The following AFM variants were observed in gnomAD, a reference collection of about 807,000 sequenced individuals.
AFM encodes alpha-Alb.
In AFM, 82 loss-of-function variants were observed where a neutral mutation model predicts 68.7. The ratio of observed to expected loss-of-function variants is 1.19; its 90% CI spans 1.00 to 1.43. AFM has a LOEUF of 1.43. Among genes scored for constraint, AFM ranks in the 40% most tolerant of loss-of-function variants. The pLI is 0.00. For synonymous variants in AFM, 250 were observed against 234.2 expected (o/e 1.07, Z -0.61); for missense variants, 772 against 701.8 (o/e 1.10, Z -1.13).
At position 73,491,888 on chromosome 4, in the gene AFM, A is replaced by G; in HGVS notation, c.860A>G (p.His287Arg). ...CIRDTSKVMN[H>R]ICSKQDSISS... is the part of the protein sequence containing the mutation. ...TTGGTACAGAGCAAGGTTATGAACC[A>G]TATTTGTTCAAAACAAGATTCTATC... Residue 287 changes from histidine to arginine, a missense_variant, in exon 8 of 15, where the codon CAT becomes CGT. Physicochemically the swap from His to Arg is conservative, Grantham distance 29 (BLOSUM62 0). Transcript: ENST00000226355. 1 of 1,613,568 alleles carries G rather than the reference A, an allele frequency of 6.2e-7. No homozygotes were observed. The highest frequency in any genetic ancestry group is 8.5e-7 in the Non-Finnish European group (1 of 1,179,702).
Position 73,492,045 on chromosome 4 carries a change from G to A in AFM, c.1017G>A (p.Val339=). 1.2e-6 allele frequency: 2 copies of A among 1,613,044 alleles called. No homozygotes were observed. The highest frequency in any genetic ancestry group is 1.7e-6 in the Non-Finnish European group (2 of 1,179,760). The stretch of plus-strand genomic sequence containing the variant: ...GAAAATTTACTGACAGTGAAAATGT[G>A]TGTCAAGAACGAGATGCTGACCCAG... ...REGKFTDSEN[V]CQERDADPDT... Residue 339 remains valine, a synonymous_variant, in exon 8 of 15, where the codon GTG becomes GTA. Coordinates refer to ENST00000226355, the MANE Select transcript of AFM (RefSeq NM_001133.2).
At chr4:73,487,510 A>T (rs568191266) in intron 5 of AFM, among the ~76,000 whole-genome samples, 19 of 152,302 alleles carry the variant, frequency 1.2e-4, no homozygotes, top group Non-Finnish European at 2.5e-4. Context: ...CCTTTTTACC[A>T]AGTGCAATTC....
chr4:73,481,791 C>T lies in AFM; in HGVS notation c.16C>T (p.Leu6Phe), dbSNP rs753880154. ...TTCTACAAAGATGAAACTACTAAAA[C>T]TTACAGGTTTTATTTTTTTCTTGTT... MKLLK[L>F]TGFIFFLFFL... Residue 6 changes from leucine (L) to phenylalanine (F), a missense_variant, in exon 1 of 15, where the codon CTT (leucine) becomes TTT (phenylalanine). By Grantham distance (22) the Leu-to-Phe change is conservative (BLOSUM62 0). Coordinates refer to ENST00000226355, the MANE Select transcript of AFM (RefSeq NM_001133.2). The T allele has an allele frequency of 2.5e-6, 4 of 1,602,234 alleles. No individual in the cohort carries two copies. The South Asian group carries it at 4.5e-5, about 18-fold the overall frequency.
chr4:73,489,014 A>G (rs371448641), intron 7 of AFM, among the ~76,000 whole-genome samples: 16 of 152,320 alleles, frequency 1.1e-4, no homozygotes, highest in East Asian at 3.9e-4. Flanking sequence ...AACTTCAGAA[A>G]TTTCAAATTT....
In AFM at chr4:73,499,145, C is replaced by G. The variant is rs781269586; in HGVS notation, c.1321C>G (p.Gln441Glu). Reference protein sequence around the residue: ...YLIRLTKIAPQLSTEELVSLG... With the variant: ...YLIRLTKIAPELSTEELVSLG... ...CATCAGGCTCACGAAGATAGCTCCC[C>G]AACTCTCCACTGAAGAACTGGTGTC... The change falls in exon 11 of 15, where the codon CAA becomes GAA. Residue 441 changes from glutamine to glutamate, a missense_variant. Gln to Glu is a conservative substitution (Grantham distance 29, BLOSUM62 2). Transcript: ENST00000226355. The G allele has an allele frequency of 1.2e-6, 2 of 1,613,320 alleles. No homozygotes were observed. The highest frequency in any genetic ancestry group is 4.5e-5 in the East Asian group (2 of 44,844).
chr4:73,499,158 AAG>A lies in AFM; in HGVS notation c.1336_1337del (p.Glu446ThrfsTer20). 1 of 1,613,518 alleles carries A rather than the reference AAG, an allele frequency of 6.2e-7. No individual in the cohort carries two copies. The highest frequency in any genetic ancestry group is 8.5e-7 in the Non-Finnish European group (1 of 1,179,646). On this transcript the variant is annotated frameshift_variant, in exon 11 of 15. Transcript: ENST00000226355. LOFTEE classifies it high-confidence loss of function. ...AAGATAGCTCCCCAACTCTCCACTGAAGAACTGGTGTCTCTTGGCGAGAAAAT... is the reference window on the plus strand; with the variant it reads ...AAGATAGCTCCCCAACTCTCCACTGAAACTGGTGTCTCTTGGCGAGAAAAT...
At chr4:73,484,452 TTCTTTC>T (rs1720815698) in intron 3 of AFM, 62 bp downstream of exon 3, 1 of 334,338 alleles carries the variant, frequency 3.0e-6, no homozygotes, top group Non-Finnish European at 5.2e-6. Context: ...CTTTCTTTCT[TTCTTTC>T]TTTCTTTCTT....
chr4:73,496,693 T>G (rs1721268129), intron 9 of AFM, among the ~76,000 whole-genome samples: 1 of 152,210 alleles, frequency 6.6e-6, no homozygotes, highest in African/African-American at 2.4e-5. Flanking sequence ...TTAAATTTTT[T>G]CCATATGATT....
At chr4:73,492,773 CGACAGAGT>C (rs1285314047) in intron 8 of AFM, among the ~76,000 whole-genome samples, 4 of 135,044 alleles carry the variant, frequency 3.0e-5, no homozygotes, top group Non-Finnish European at 6.1e-5. Context: ...CCAGCCTGGG[CGACAGAGT>C]GAGACTGTCT....
rs761992770 is a variant in AFM at position 73,488,690 on chromosome 4, TGTAGAAG to T, written c.775_781del (p.Val259MetfsTer25). Reference sequence around the variant, plus strand: ...TTGAATTTAAGGAGCTTATTTCTCTTGTAGAAGATGTTTCTTCCAACTATGATGGATG... The same window carrying T: ...TTGAATTTAAGGAGCTTATTTCTCTTATGTTTCTTCCAACTATGATGGATG... On this transcript the variant is annotated frameshift_variant, in exon 7 of 15. Coordinates refer to ENST00000226355, the MANE Select transcript of AFM (RefSeq NM_001133.2). LOFTEE classifies it high-confidence loss of function. The T allele has an allele frequency of 1.7e-5, 27 of 1,613,030 alleles. No individual in the cohort carries two copies. The highest frequency in any genetic ancestry group is 2.2e-5 in the Non-Finnish European group (26 of 1,179,310).
chr4:73,483,991 TGA>T lies in AFM; in HGVS notation c.137+4_137+5del. 1 of 1,520,142 alleles carries T rather than the reference TGA, an allele frequency of 6.6e-7. No homozygotes were observed. The highest frequency in any genetic ancestry group is 9.0e-7 in the Non-Finnish European group (1 of 1,111,868). The allele number at this position is 1,520,142 out of a possible 1,614,324, so 94.2% of individuals were successfully genotyped here. Reference sequence around the variant, plus strand: ...TATAGAAGATAATATTGAATACATGTGAGTTGTGCTAAATACTTTTTGATGAT... The same window carrying T: ...TATAGAAGATAATATTGAATACATGTGTTGTGCTAAATACTTTTTGATGAT... On this transcript the variant is annotated splice_donor_region_variant and intron_variant, in intron 2 of 14. Transcript: ENST00000226355.
intron 2 of AFM, 25 bp downstream of exon 2, chr4:73,484,014 A>G (rs749320366): frequency 1.3e-6 from 2 of 1,494,410 alleles, no homozygotes; most frequent in Non-Finnish European, 9.1e-7. Flanking sequence ...ATACTTTTTG[A>G]TGATGATTTT....
At position 73,501,792 on chromosome 4, in the gene AFM, T is replaced by C. The variant is rs148684952; in HGVS notation, c.1652T>C (p.Leu551Pro). 1.2e-6 allele frequency: 2 copies of C among 1,611,952 alleles called. No homozygotes were observed. The highest frequency in any genetic ancestry group is 2.7e-5 in the African/African-American group (2 of 74,804). The part of the protein sequence containing the change: ...EELQRKTDRF[L>P]VNLVKLKHEL... ...TTGACATCTTTTGGCCACAGGTTTC[T>C]TGTCAACTTAGTGAAGCTGAAGCAT... Residue 551 changes from leucine (L) to proline (P), a missense_variant, in exon 13 of 15, where the codon CTT (leucine) becomes CCT (proline). By Grantham distance (98) the Leu-to-Pro change is moderately conservative. Coordinates refer to ENST00000226355, the MANE Select transcript of AFM (RefSeq NM_001133.2).
intron 14 of AFM, among the ~76,000 whole-genome samples, chr4:73,503,481 G>T (rs1346468097): frequency 6.6e-6 from 1 of 152,144 alleles, no homozygotes; most frequent in African/African-American, 2.4e-5. Context: ...ACTGAGGTGG[G>T]CAGACAGACC....
At chr4:73,491,228 C>A (rs948419305) in intron 7 of AFM, among the ~76,000 whole-genome samples, 1 of 152,108 alleles carries the variant, frequency 6.6e-6, no homozygotes, top group Non-Finnish European at 1.5e-5. Flanking sequence ...AGAACTGGGG[C>A]AATTGGTAGG....
chr4:73,503,244 G>A lies in AFM; in HGVS notation c.*40+134G>A. 4.4e-6 allele frequency: 3 copies of A among 674,674 alleles called. No individual in the cohort carries two copies. The South Asian group carries it at 6.1e-5, about 14-fold the overall frequency. The allele number at this position is 674,674 out of a possible 1,614,324, so 41.8% of individuals were successfully genotyped here. ...ACAAGAAATGCACATGTAGCTAACA[G>A]ACCCCGATATTGTTCCTGTGTTTTT... On this transcript the variant is annotated intron_variant, in intron 14 of 14. Transcript: ENST00000226355.
At chr4:73,497,041 A>G (rs934318729) in intron 9 of AFM, among the ~76,000 whole-genome samples, 3 of 152,160 alleles carry the variant, frequency 2.0e-5, no homozygotes, top group Admixed American at 2.0e-4. Context: ...CTCTCTTTTC[A>G]TGGAGATACA....
rs1444884806 is a variant in AFM, at chr4:73,495,438, T to G, written c.1191+6T>G. On this transcript the variant is annotated splice_donor_region_variant and intron_variant, in intron 9 of 14. Transcript: ENST00000226355. Reference sequence around the variant, plus strand: ...CAGGTTGTTACCGTTACGCGGTAGGTTCCATTGTTGTAGGTTCAGAAAATC... The same window carrying G: ...CAGGTTGTTACCGTTACGCGGTAGGGTCCATTGTTGTAGGTTCAGAAAATC... 1 of 1,604,938 alleles carries G rather than the reference T, an allele frequency of 6.2e-7. No individual in the cohort carries two copies. The highest frequency in any genetic ancestry group is 8.5e-7 in the Non-Finnish European group (1 of 1,177,888).
At chr4:73,484,751 G>A (rs186152763) in intron 3 of AFM, among the ~76,000 whole-genome samples, 7 of 151,976 alleles carry the variant, frequency 4.6e-5, no homozygotes, top group Admixed American at 4.6e-4. Flanking sequence ...TGACCAGCCT[G>A]GTCTCAAACT....
Sources: allele counts gnomAD v4.1 joint callset (sites outside exome capture counted in the v4.1 genomes callset), GRCh38; gene constraint gnomAD v4.1.1; transcripts MANE v1.5; gene names NCBI Gene and HGNC (gene_info 2026-07-23, HGNC 2026-07-21).